Variants in ZNF148 observed in about 807,000 individuals in gnomAD.
ZNF148 encodes zinc finger protein 148.
A neutral mutation model predicts 67.7 loss-of-function variants in ZNF148; 7 were observed. The ratio of observed to expected loss-of-function variants is 0.10; its 90% CI spans 0.06 to 0.19. ZNF148 has a LOEUF of 0.19. Among genes scored for constraint, ZNF148 ranks in the 10% least tolerant of loss-of-function variants. ZNF148 has a pLI of 1.00. For synonymous variants in ZNF148, 333 were observed against 330.7 expected, an observed-to-expected ratio of 1.01 and a Z score of -0.08; for missense variants, 583 against 947.1, an observed-to-expected ratio of 0.62 and a Z score of 5.05.
At chr3:125,367,693 GTCTAT>G (rs373918756) in intron 1 of ZNF148, among the ~76,000 whole-genome samples, 17 of 152,222 alleles carry the variant, frequency 1.1e-4, no homozygotes, top group African/African-American at 4.1e-4. Flanking sequence ...CCTCAGTTCT[GTCTAT>G]TCTATTCCGT....
chr3:125,287,884 A>G (rs535870528), intron 5 of ZNF148, among the ~76,000 whole-genome samples: 2 of 152,324 alleles, frequency 1.3e-5, no homozygotes, highest in Admixed American at 1.3e-4. Context: ...AGATATGGAA[A>G]AAGAAAAGTT....
chr3:125,242,006 A>C (rs771530941), intron 7 of ZNF148, among the ~76,000 whole-genome samples: 2 of 152,188 alleles, frequency 1.3e-5, no homozygotes, highest in African/African-American at 4.8e-5. Flanking sequence ...ATCTTCTGCG[A>C]ACTGTCTGCT....
In ZNF148 at chr3:125,375,275, C is replaced by G. The variant is rs1559792601; in HGVS notation, c.-407G>C. On this transcript the variant is annotated 5_prime_UTR_variant, in exon 1 of 9. Coordinates refer to ENST00000360647, the MANE Select transcript of ZNF148 (RefSeq NM_021964.3). ...CCTCTTCCTCCCCCTCCTCCTCCTC[C>G]TCCTCTTCCTCCTTCTCTTCCTCCT... The G allele has an allele frequency of 1.9e-5, 3 of 154,316 alleles. No individual in the cohort carries two copies. The highest frequency in any genetic ancestry group is 6.5e-5 in the Admixed American group (1 of 15,306). 9.6% of individuals were successfully genotyped at this position (154,316 alleles called of 1,614,324 possible).
chr3:125,323,340 G>A lies in ZNF148; in HGVS notation c.-48C>T, dbSNP rs1174488106. The A allele has an allele frequency of 1.8e-5, 12 of 670,342 alleles. No individual in the cohort carries two copies. Among genetic ancestry groups the A allele is most frequent in the East Asian group, 1.7e-4 (6 of 36,210 alleles). The allele number at this position is 670,342 out of a possible 1,614,324, so 41.5% of individuals were successfully genotyped here. On this transcript the variant is annotated 5_prime_UTR_variant, in exon 3 of 9. Coordinates refer to ENST00000360647, the MANE Select transcript of ZNF148 (RefSeq NM_021964.3). ...CTAAGGTAAAAACGAAGACTTCAAG[G>A]AAAGGAATGCTGTAGAGTTGAAAAA...
chr3:125,347,339 TA>T (rs1164531197), intron 1 of ZNF148, among the ~76,000 whole-genome samples: 1 of 152,170 alleles, frequency 6.6e-6, no homozygotes, highest in Non-Finnish European at 1.5e-5. Context: ...AAACTAATGC[TA>T]AAATTCATAT....
chr3:125,257,462 G>A (rs1241681096), intron 7 of ZNF148, among the ~76,000 whole-genome samples: 2 of 150,002 alleles, frequency 1.3e-5, no homozygotes, highest in Non-Finnish European at 2.9e-5. Context: ...AGGCTGAGAC[G>A]AGAATCGCTT....
At chr3:125,330,409 T>TG (rs1941234738) in intron 2 of ZNF148, among the ~76,000 whole-genome samples, 1 of 138,480 alleles carries the variant, frequency 7.2e-6, no homozygotes, top group Non-Finnish European at 1.5e-5. Flanking sequence ...GAGGGTGCAG[T>TG]GAGCCAAGAT....
chr3:125,267,851 C>A (rs1309386621), intron 7 of ZNF148, among the ~76,000 whole-genome samples: 1 of 152,084 alleles, frequency 6.6e-6, no homozygotes, highest in Admixed American at 6.6e-5. Context: ...CCAAAAGGCT[C>A]CTAGACATGA....
chr3:125,248,344 C>G (rs564508237), intron 7 of ZNF148, among the ~76,000 whole-genome samples: 1 of 152,258 alleles, frequency 6.6e-6, no homozygotes, highest in African/African-American at 2.4e-5. Context: ...CTCCTGAAAA[C>G]AAGTGCCCTA....
At chr3:125,280,125 T>C (rs1938300183) in intron 5 of ZNF148, among the ~76,000 whole-genome samples, 1 of 152,140 alleles carries the variant, frequency 6.6e-6, no homozygotes. Flanking sequence ...AGAATATTTG[T>C]CAAATAAATA....
chr3:125,278,365 G>T (rs1342384805), intron 6 of ZNF148, among the ~76,000 whole-genome samples: 2 of 152,030 alleles, frequency 1.3e-5, no homozygotes, highest in Non-Finnish European at 2.9e-5. Flanking sequence ...TTTCAGTCCT[G>T]AAACACTTCT....
intron 7 of ZNF148, among the ~76,000 whole-genome samples, chr3:125,266,152 T>C (rs1937524026): frequency 6.6e-6 from 1 of 152,108 alleles, no homozygotes; most frequent in Non-Finnish European, 1.5e-5. Context: ...CAGCCTTAAA[T>C]AGATTATTGA....
At chr3:125,234,138 A>G in intron 8 of ZNF148, 73 bp downstream of exon 8, 4 of 1,243,106 alleles carry the variant, frequency 3.2e-6, no homozygotes, top group East Asian at 2.6e-5. Flanking sequence ...CTAAGTTGTA[A>G]TATTTTCTAA....
chr3:125,320,566 T>C (rs1364256126), intron 3 of ZNF148, among the ~76,000 whole-genome samples: 4 of 152,328 alleles, frequency 2.6e-5, no homozygotes, highest in Middle Eastern at 3.4e-3. Flanking sequence ...ACTTCAACTA[T>C]GAGTCAAAGC....
chr3:125,311,851 T>C (rs933684431), intron 4 of ZNF148, among the ~76,000 whole-genome samples: 1 of 152,172 alleles, frequency 6.6e-6, no homozygotes, highest in Non-Finnish European at 1.5e-5. Context: ...TTTATCAAAA[T>C]AGACCAATTC....
chr3:125,296,972 G>C (rs1010660561), intron 4 of ZNF148, among the ~76,000 whole-genome samples: 1 of 150,974 alleles, frequency 6.6e-6, no homozygotes, highest in Non-Finnish European at 1.5e-5. Flanking sequence ...AACAAAAAAA[G>C]AAACATTAAA....
intron 7 of ZNF148, among the ~76,000 whole-genome samples, chr3:125,266,450 A>G (rs953710847): frequency 1.3e-5 from 2 of 152,200 alleles, no homozygotes; most frequent in African/African-American, 4.8e-5. Flanking sequence ...ACTAGAAACT[A>G]AACAACTTGC....
chr3:125,353,975 C>A (rs980570075), intron 1 of ZNF148, among the ~76,000 whole-genome samples: 4 of 151,916 alleles, frequency 2.6e-5, no homozygotes, highest in African/African-American at 9.7e-5. Flanking sequence ...ATAAGCTTAG[C>A]CATTAATTGC....
At chr3:125,314,630 A>G (rs1940394386) in intron 3 of ZNF148, among the ~76,000 whole-genome samples, 1 of 152,234 alleles carries the variant, frequency 6.6e-6, no homozygotes, top group African/African-American at 2.4e-5. Context: ...CAAAATACAC[A>G]AATGTGTAAT....
Sources: gnomAD v4.1 joint callset for allele counts (sites outside exome capture counted in the v4.1 genomes callset) on GRCh38, gnomAD v4.1.1 for gene constraint, MANE v1.5 for transcripts, NCBI Gene and HGNC (gene_info 2026-07-23, HGNC 2026-07-21) for gene names.